Variants in PAPSS1 observed in about 807,000 individuals in gnomAD.
PAPSS1 encodes the protein bifunctional 3'-phosphoadenosine 5'-phosphosulfate synthase 1.
PAPSS1 carries 50 observed loss-of-function variants against 72.0 expected under a neutral mutation model. The observed-to-expected ratio is 0.69, with a 90% confidence interval of 0.55 to 0.88. The LOEUF is 0.88. Ranked by LOEUF, PAPSS1 falls within the 40% of genes least tolerant of loss-of-function variation. PAPSS1 has a pLI of 0.00. For synonymous variants in PAPSS1, 261 were observed against 263.6 expected, an observed-to-expected ratio of 0.99 and a Z score of 0.09; for missense variants, 657 against 782.2, an observed-to-expected ratio of 0.84 and a Z score of 1.91.
At chr4:107,635,020 G>T (rs573534127) in intron 10 of PAPSS1, among the ~76,000 whole-genome samples, 3 of 151,882 alleles carry the variant, frequency 2.0e-5, no homozygotes, top group Non-Finnish European at 4.4e-5. Context: ...GGATGGTCTC[G>T]ATCTCCTGAC....
chr4:107,623,166 T>G (rs1726012878), intron 11 of PAPSS1, among the ~76,000 whole-genome samples: 1 of 152,218 alleles, frequency 6.6e-6, no homozygotes, highest in African/African-American at 2.4e-5. Flanking sequence ...ATGTGGATAC[T>G]TTCACACTTG....
intron 5 of PAPSS1, among the ~76,000 whole-genome samples, chr4:107,663,060 G>A (rs535943180): frequency 6.6e-6 from 1 of 152,270 alleles, no homozygotes; most frequent in East Asian, 1.9e-4. Context: ...GCTAGGGGGA[G>A]AAAACACTAA....
Position 107,653,621 on chromosome 4 carries a change from C to A in PAPSS1, c.1107G>T (p.Val369=). 6.2e-7 allele frequency: 1 copy of A among 1,609,834 alleles called. No individual in the cohort carries two copies. Among genetic ancestry groups the A allele is most frequent in the South Asian group, 1.1e-5 (1 of 89,718 alleles). Residue 369 remains valine, a synonymous_variant, in exon 9 of 12, where the codon GTG becomes GTT. Coordinates refer to ENST00000265174, the MANE Select transcript of PAPSS1 (RefSeq NM_005443.5). ...CAATCAGCCAATCTCCTTGTTCCAT[C>A]ACCATCTAATAGGAAAAACAAATTT... ...TCKNHPYIKM[V]MEQGDWLIGG... is the part of the protein sequence containing the mutation.
intron 5 of PAPSS1, among the ~76,000 whole-genome samples, chr4:107,667,872 C>G (rs939867803): frequency 6.6e-5 from 10 of 152,196 alleles, no homozygotes; most frequent in African/African-American, 2.2e-4. Flanking sequence ...TAGCTGGACA[C>G]AGGTATGAGC....
At chr4:107,703,737 T>C (rs537634686) in intron 1 of PAPSS1, among the ~76,000 whole-genome samples, 1 of 152,352 alleles carries the variant, frequency 6.6e-6, no homozygotes, top group African/African-American at 2.4e-5. Flanking sequence ...TATCATGCTG[T>C]TTTGATTACT....
intron 1 of PAPSS1, chr4:107,718,197 G>A (rs1007967301): frequency 2.6e-5 from 4 of 152,096 alleles, no homozygotes; most frequent in African/African-American, 7.2e-5. Context: ...AAGAGATGAC[G>A]GGTGTTCCAT....
At chr4:107,674,317 C>A (rs1051631882) in intron 5 of PAPSS1, among the ~76,000 whole-genome samples, 1 of 151,764 alleles carries the variant, frequency 6.6e-6, no homozygotes, top group African/African-American at 2.4e-5. Context: ...CACATAGGCT[C>A]AAATAAAGGG....
At chr4:107,710,001 A>T (rs1723445197) in intron 1 of PAPSS1, among the ~76,000 whole-genome samples, 1 of 152,204 alleles carries the variant, frequency 6.6e-6, no homozygotes, top group South Asian at 2.1e-4. Flanking sequence ...TGGTAGACTT[A>T]GGCCTGAATT....
chr4:107,643,709 T>G lies in PAPSS1; in HGVS notation c.1506+1093A>C, dbSNP rs565715757. The stretch of plus-strand genomic sequence containing the variant: ...AGAAAGGGGCAAGAAGAAAAACTTC[T>G]GGGTGATGATAAAAAATTTTTTTTA... On this transcript the variant is annotated intron_variant, in intron 10 of 11. Transcript: ENST00000265174. Among the ~76,000 whole-genome samples the G allele has an allele frequency of 3.9e-5, 6 of 152,280 alleles. 1 individual carries two copies. In the South Asian group the frequency reaches 8.3e-4, roughly 21 times the overall value.
chr4:107,669,185 A>G (rs1302881774), intron 5 of PAPSS1, among the ~76,000 whole-genome samples: 2 of 152,220 alleles, frequency 1.3e-5, no homozygotes, highest in Non-Finnish European at 2.9e-5. Context: ...AAAAGTACAC[A>G]TTATAGCAAG....
chr4:107,641,942 T>C (rs12648920), intron 10 of PAPSS1, among the ~76,000 whole-genome samples: 5,109 of 152,252 alleles, frequency 0.034, 105 homozygotes, highest in African/African-American at 0.042. Flanking sequence ...AATTACCACA[T>C]CTTGTCATGA....
At chr4:107,623,235 T>C (rs1006284812) in intron 11 of PAPSS1, among the ~76,000 whole-genome samples, 4 of 152,258 alleles carry the variant, frequency 2.6e-5, no homozygotes, top group African/African-American at 9.6e-5. Flanking sequence ...CTGGTAATTC[T>C]AACATGTGAA....
chr4:107,662,584 G>A (rs1402756390), intron 5 of PAPSS1, among the ~76,000 whole-genome samples: 3 of 150,896 alleles, frequency 2.0e-5, no homozygotes, highest in Admixed American at 6.6e-5. Flanking sequence ...AATACCAGGA[G>A]GGGAAACCAC....
chr4:107,714,201 G>A (rs1392354852), intron 1 of PAPSS1, among the ~76,000 whole-genome samples: 3 of 152,114 alleles, frequency 2.0e-5, no homozygotes, highest in South Asian at 4.1e-4. Flanking sequence ...CTGTTAAATC[G>A]TTTTAGTCAG....
chr4:107,617,133 G>A (rs1337412035), intron 11 of PAPSS1, among the ~76,000 whole-genome samples: 1 of 151,170 alleles, frequency 6.6e-6, no homozygotes, highest in African/African-American at 2.4e-5. Flanking sequence ...CAAGCTTCTG[G>A]TTTCCTCTGT....
chr4:107,680,673 G>C (rs1405647460), intron 5 of PAPSS1, among the ~76,000 whole-genome samples: 1 of 152,176 alleles, frequency 6.6e-6, no homozygotes, highest in Non-Finnish European at 1.5e-5. Context: ...TATAACTACA[G>C]TGGTGGGCTT....
chr4:107,669,832 AGAATCCCTTTCT>A (rs1033668872), intron 5 of PAPSS1, among the ~76,000 whole-genome samples: 12 of 152,214 alleles, frequency 7.9e-5, no homozygotes, highest in African/African-American at 2.9e-4. Context: ...GAACATAACC[AGAATCCCTTTCT>A]GGATGTAGAT....
chr4:107,664,093 G>GGAAATGGAT (rs1727256044), intron 5 of PAPSS1, among the ~76,000 whole-genome samples: 1 of 152,130 alleles, frequency 6.6e-6, no homozygotes, highest in South Asian at 2.1e-4. Context: ...TAAATCATGA[G>GGAAATGGAT]CCTCCATTTC....
chr4:107,650,630 AC>A (rs1308642864), intron 9 of PAPSS1, among the ~76,000 whole-genome samples: 1 of 152,216 alleles, frequency 6.6e-6, no homozygotes, highest in Non-Finnish European at 1.5e-5. Flanking sequence ...ATAATAAACT[AC>A]CAGATGTTTC....
Sources: gnomAD v4.1 joint callset for allele counts (sites outside exome capture counted in the v4.1 genomes callset) on GRCh38, gnomAD v4.1.1 for gene constraint, MANE v1.5 for transcripts, NCBI Gene and HGNC (gene_info 2026-07-23, HGNC 2026-07-21) for gene names.